The following CCDC3 variants were observed in gnomAD, a reference collection of about 807,000 sequenced individuals.
CCDC3 encodes the protein coiled-coil domain-containing protein 3.
In CCDC3, 24 loss-of-function variants were observed where a neutral mutation model predicts 21.4. That is an observed-to-expected ratio of 1.12 (90% confidence interval 0.81 to 1.58). CCDC3 has a LOEUF of 1.58. Ranked by LOEUF, CCDC3 falls within the 40% of genes most tolerant of loss-of-function variation. The pLI is 0.00. For missense variants in CCDC3, 425 were observed against 360.9 expected (o/e 1.18, Z -1.44); for synonymous variants, 186 against 166.0 (o/e 1.12, Z -0.93).
At chr10:13,041,503 A>ATT (rs1836453424) in intron 5 of CCDC3, among the ~76,000 whole-genome samples, 1 of 84,120 alleles carries the variant, frequency 1.2e-5, no homozygotes, top group Non-Finnish European at 2.1e-5. Flanking sequence ...TCTGGCAGAT[A>ATT]ATTTTTTTTT....
intron 2 of CCDC3, among the ~76,000 whole-genome samples, chr10:12,904,707 C>T (rs1336665428): frequency 6.6e-6 from 1 of 152,016 alleles, no homozygotes; most frequent in Non-Finnish European, 1.5e-5. Context: ...TTCCTGGTTT[C>T]TCCGGGAAGC....
intron 2 of CCDC3, among the ~76,000 whole-genome samples, chr10:12,966,564 GCTT>G (rs1165208994): frequency 6.6e-6 from 1 of 152,134 alleles, no homozygotes; most frequent in Non-Finnish European, 1.5e-5. Flanking sequence ...AGTCCAGTCT[GCTT>G]CTTATCGAAG....
chr10:13,042,079 T>G lies in CCDC3; in HGVS notation c.-2+7595A>C, dbSNP rs11812552. On this transcript the variant is annotated intron_variant, in intron 5 of 6. Coordinates refer to the CCDC3 transcript ENST00000378839. ...AGAAGACTCTCCAGAAACAATGAGA[T>G]GTCGTGGATGAAACATAGAGTTTGA... 6.6e-3 allele frequency among the ~76,000 whole-genome samples: 1,005 copies of G among 152,282 alleles called. 12 individuals carry two copies. The highest frequency in any genetic ancestry group is 0.023 in the African/African-American group (962 of 41,572).
chr10:13,039,581 T>C (rs1836422784), intron 5 of CCDC3, among the ~76,000 whole-genome samples: 1 of 152,230 alleles, frequency 6.6e-6, no homozygotes, highest in Non-Finnish European at 1.5e-5. Flanking sequence ...ATTTCACAGA[T>C]ACTGGTCACA....
At chr10:12,967,203 T>G (rs1319013740) in intron 2 of CCDC3, among the ~76,000 whole-genome samples, 1 of 152,198 alleles carries the variant, frequency 6.6e-6, no homozygotes, top group Admixed American at 6.5e-5. Context: ...GGTCTTCCTA[T>G]AGTGAAATGA....
chr10:12,981,352 G>A (rs572035985), intron 2 of CCDC3, among the ~76,000 whole-genome samples: 10 of 151,808 alleles, frequency 6.6e-5, no homozygotes, highest in South Asian at 2.1e-4. Flanking sequence ...GCTAATTTTT[G>A]TATTGTATTT....
At chr10:13,040,687 TCACACACACACACACACACACA>T (rs10653974) in intron 5 of CCDC3, among the ~76,000 whole-genome samples, 1 of 142,752 alleles carries the variant, frequency 7.0e-6, no homozygotes, top group South Asian at 2.3e-4. Flanking sequence ...CAAAACTCTG[TCACACACACACACACACACACA>T]CACACACACA....
intron 5 of CCDC3, among the ~76,000 whole-genome samples, chr10:13,033,788 T>C (rs1836337434): frequency 6.6e-6 from 1 of 152,102 alleles, no homozygotes; most frequent in African/African-American, 2.4e-5. Flanking sequence ...AAAACCACAA[T>C]GAGATACCAT....
At chr10:13,010,434 C>A (rs1290818116) in intron 5 of CCDC3, among the ~76,000 whole-genome samples, 2 of 152,152 alleles carry the variant, frequency 1.3e-5, no homozygotes, top group Non-Finnish European at 2.9e-5. Context: ...TCCTACACAT[C>A]TACTTGAATA....
intron 5 of CCDC3, among the ~76,000 whole-genome samples, chr10:13,022,875 GAA>G (rs1205448842): frequency 6.6e-6 from 1 of 152,176 alleles, no homozygotes; most frequent in Non-Finnish European, 1.5e-5. Context: ...CAAAGTTGAT[GAA>G]AGTGATATTG....
chr10:12,931,532 T>A (rs1435654529), intron 2 of CCDC3, among the ~76,000 whole-genome samples: 1 of 152,214 alleles, frequency 6.6e-6, no homozygotes, highest in Admixed American at 6.5e-5. Context: ...CACCAGCTAT[T>A]CCTCCTCTGT....
At chr10:13,045,572 T>G (rs1281809632) in intron 5 of CCDC3, among the ~76,000 whole-genome samples, 4 of 151,920 alleles carry the variant, frequency 2.6e-5, no homozygotes, top group Admixed American at 2.0e-4. Context: ...CAGCCAAGAT[T>G]GCACCACCGT....
Position 13,008,176 on chromosome 10 carries a change from T to C in CCDC3, c.-1-9664A>G, listed in dbSNP as rs551081380. The stretch of plus-strand genomic sequence containing the variant: ...CAGAGACTCAGTGTCTAGGCAATAG[T>C]GGCCTCCTAGGCATGCAGCCCAACA... On this transcript the variant is annotated intron_variant, in intron 5 of 6. Transcript: ENST00000378839. Among the ~76,000 whole-genome samples, 256 of 152,280 alleles carry C rather than the reference T, an allele frequency of 1.7e-3. 2 individuals carry two copies. The highest frequency in any genetic ancestry group is 6.0e-3 in the African/African-American group (249 of 41,560).
At chr10:13,017,473 C>T (rs574603224) in intron 5 of CCDC3, among the ~76,000 whole-genome samples, 40 of 148,002 alleles carry the variant, frequency 2.7e-4, no homozygotes, top group Middle Eastern at 3.5e-3. Flanking sequence ...GTTGAGACTG[C>T]GCCACTGCAC....
intron 3 of CCDC3, among the ~76,000 whole-genome samples, chr10:13,077,663 A>G (rs368527737): frequency 1.8e-4 from 28 of 152,290 alleles, no homozygotes; most frequent in Admixed American, 7.8e-4. Flanking sequence ...AAACAGAGAT[A>G]TAGACCAATG....
chr10:13,090,857 T>C (rs1214880544), intron 3 of CCDC3, among the ~76,000 whole-genome samples: 1 of 152,238 alleles, frequency 6.6e-6, no homozygotes, highest in Non-Finnish European at 1.5e-5. Flanking sequence ...ACAGGCTGTC[T>C]GGAAGCTGAG....
chr10:12,970,110 A>G lies in CCDC3; in HGVS notation c.549+28228T>C, dbSNP rs568544462. Among the ~76,000 whole-genome samples the G allele has an allele frequency of 3.4e-4, 52 of 152,204 alleles. 2 individuals carry two copies. The South Asian group carries it at 0.01, about 30-fold the overall frequency. On this transcript the variant is annotated intron_variant, in intron 2 of 2. Coordinates refer to ENST00000378825, the MANE Select transcript of CCDC3 (RefSeq NM_031455.4). The stretch of plus-strand genomic sequence containing the variant: ...GGTTTTTTCATCAATGGTGGTCTCC[A>G]AGATGGTAATTTAAAAGTTACAGGA...
chr10:12,965,931 G>C (rs574514457), intron 2 of CCDC3, among the ~76,000 whole-genome samples: 3 of 152,202 alleles, frequency 2.0e-5, no homozygotes, highest in Non-Finnish European at 4.4e-5. Context: ...AAATCATTGA[G>C]TCTTGTGAAA....
At position 12,998,469 on chromosome 10, in the gene CCDC3, G is replaced by T; in HGVS notation, c.418C>A (p.Gln140Lys). 6.2e-7 allele frequency: 1 copy of T among 1,614,094 alleles called. No homozygotes were observed. The highest frequency in any genetic ancestry group is 8.5e-7 in the Non-Finnish European group (1 of 1,180,002). ...TGAGTGTCTGGGAAGATGGCATCTT[G>T]GAAATTGACTCCGTGAGGCAAGAGG... ...YNLLPHGVNF[Q>K]DAIFPDTQEN... The change falls in exon 2 of 3, where the codon CAA (glutamine) becomes AAA (lysine). Residue 140 changes from glutamine (Q) to lysine (K), a missense_variant. By Grantham distance (53) the Gln-to-Lys change is moderately conservative. Coordinates refer to ENST00000378825, the MANE Select transcript of CCDC3 (RefSeq NM_031455.4).
Sources: gnomAD v4.1 joint callset for allele counts (sites outside exome capture counted in the v4.1 genomes callset) on GRCh38, gnomAD v4.1.1 for gene constraint, MANE v1.5 for transcripts, NCBI Gene and HGNC (gene_info 2026-07-23, HGNC 2026-07-21) for gene names.